CES5A: variants seen among roughly 807,000 people sequenced by gnomAD.
CES5A encodes carboxylesterase 5A.
Under a neutral mutation model 62.9 loss-of-function variants are expected in CES5A, and 67 were observed. The ratio of observed to expected loss-of-function variants is 1.07; its 90% CI spans 0.88 to 1.31. CES5A has a LOEUF of 1.31. Ranked by LOEUF, CES5A falls within the 50% of genes most tolerant of loss-of-function variation. The pLI is 0.00. For missense variants in CES5A, 748 were observed against 708.5 expected (o/e 1.06, Z -0.63); for synonymous variants, 296 against 280.8 (o/e 1.05, Z -0.54).
At chr16:55,849,484 C>T in intron 11 of CES5A, 140 bp downstream of exon 11, 1 of 875,030 alleles carries the variant, frequency 1.1e-6, no homozygotes, top group Non-Finnish European at 1.8e-6. Context: ...GAAGGGAGGG[C>T]ATTTTCCAGA....
chr16:55,944,271 T>G (rs554029620), intron 2 of CES5A: 1 of 606,570 alleles, frequency 1.6e-6, no homozygotes, highest in South Asian at 2.0e-5. Context: ...AAAATGGAGT[T>G]AATGGCCCCT....
intron 9 of CES5A, 142 bp downstream of exon 9, chr16:55,856,235 C>T: frequency 2.8e-6 from 2 of 718,528 alleles, no homozygotes; most frequent in Non-Finnish European, 4.9e-6. Context: ...TGGACTAATA[C>T]ACCTATGCTT....
At chr16:55,922,681 A>G (rs915933505) in intron 1 of CES5A, among the ~76,000 whole-genome samples, 1 of 151,920 alleles carries the variant, frequency 6.6e-6, no homozygotes, top group African/African-American at 2.4e-5. Context: ...ACTACACACT[A>G]CATAATAAGC....
chr16:55,887,751 C>A (rs1195540439), intron 1 of CES5A, among the ~76,000 whole-genome samples: 1 of 152,118 alleles, frequency 6.6e-6, no homozygotes. Context: ...AGGTGACTAT[C>A]TGAGGCAGTG....
intron 1 of CES5A, among the ~76,000 whole-genome samples, chr16:55,902,669 G>A (rs2034003212): frequency 6.6e-6 from 1 of 152,194 alleles, no homozygotes; most frequent in African/African-American, 2.4e-5. Flanking sequence ...TGAACCCAGG[G>A]AATTTTGAAG....
chr16:55,945,090 T>C (rs956422460), intron 2 of CES5A, among the ~76,000 whole-genome samples: 2 of 152,214 alleles, frequency 1.3e-5, no homozygotes, highest in Non-Finnish European at 2.9e-5. Context: ...TTAAATGAAC[T>C]CATACTGGCC....
At position 55,859,688 on chromosome 16, in the gene CES5A, C is replaced by T. The variant is rs1213071931; in HGVS notation, c.916-1G>A. 6.2e-7 allele frequency: 1 copy of T among 1,601,638 alleles called. No individual in the cohort carries two copies. Among genetic ancestry groups the T allele is most frequent in the East Asian group, 2.2e-5 (1 of 44,706 alleles). On this transcript the variant is annotated splice_acceptor_variant, in intron 7 of 12. Transcript: ENST00000290567. LOFTEE classifies it high-confidence loss of function. ...CCACTCGAGTGAAAGACTTTGTTTT[C>T]TGTAATAAGGAAGAAAAAAAAATCA... is the stretch of plus-strand genomic sequence containing the variant.
At chr16:55,884,567 G>A (rs1404215671) in intron 1 of CES5A, among the ~76,000 whole-genome samples, 1 of 151,568 alleles carries the variant, frequency 6.6e-6, no homozygotes, top group Non-Finnish European at 1.5e-5. Flanking sequence ...CTGCAGAAGA[G>A]GGCCACCCCA....
At chr16:55,900,119 G>A (rs1465979610) in intron 1 of CES5A, among the ~76,000 whole-genome samples, 1 of 152,142 alleles carries the variant, frequency 6.6e-6, no homozygotes, top group Non-Finnish European at 1.5e-5. Context: ...GACCCTCTCT[G>A]TCAACACAGA....
At chr16:55,867,940 A>T (rs1353516095) in intron 4 of CES5A, among the ~76,000 whole-genome samples, 2 of 152,188 alleles carry the variant, frequency 1.3e-5, no homozygotes, top group Admixed American at 1.3e-4. Flanking sequence ...AGTGCCTCCC[A>T]GTGGGGCTCC....
intron 1 of CES5A, among the ~76,000 whole-genome samples, chr16:55,890,375 T>A (rs1252484492): frequency 2.6e-5 from 4 of 152,176 alleles, no homozygotes; most frequent in Admixed American, 6.5e-5. Flanking sequence ...CTTGAATTTT[T>A]TTTTTTTAAT....
chr16:55,920,236 GT>G (rs1209217857), intron 1 of CES5A, among the ~76,000 whole-genome samples: 2 of 152,136 alleles, frequency 1.3e-5, no homozygotes, highest in Non-Finnish European at 2.9e-5. Flanking sequence ...GCAGAAAATT[GT>G]TCTCCAACTC....
chr16:55,895,291 CAA>C (rs2142436721), intron 1 of CES5A, among the ~76,000 whole-genome samples: 1 of 152,274 alleles, frequency 6.6e-6, no homozygotes, highest in East Asian at 1.9e-4. Context: ...TCCACAATAA[CAA>C]ATAACAAAGT....
chr16:55,903,144 A>G (rs1423385372), intron 1 of CES5A, among the ~76,000 whole-genome samples: 2 of 151,928 alleles, frequency 1.3e-5, no homozygotes, highest in Non-Finnish European at 2.9e-5. Context: ...AAAAAAAGAC[A>G]CAGCTCATAC....
intron 1 of CES5A, among the ~76,000 whole-genome samples, chr16:55,881,363 T>A (rs2033759738): frequency 6.6e-6 from 1 of 152,090 alleles, no homozygotes; most frequent in African/African-American, 2.4e-5. Context: ...TATGTCCTGA[T>A]AGGAACAGAG....
intron 1 of CES5A, among the ~76,000 whole-genome samples, chr16:55,885,832 G>C: frequency 6.6e-6 from 1 of 152,204 alleles, no homozygotes; most frequent in Non-Finnish European, 1.5e-5. Flanking sequence ...GGGATATCAA[G>C]TGAATAGGCA....
At chr16:55,935,788 C>CT (rs34193005) in intron 2 of CES5A, among the ~76,000 whole-genome samples, 9,702 of 146,448 alleles carry the variant, frequency 0.066, 525 homozygotes, top group African/African-American at 0.14. Context: ...TTCACTAATG[C>CT]TTTTTTTTTT....
chr16:55,875,365 C>A lies in CES5A; in HGVS notation c.-144G>T. 1 of 1,447,826 alleles carries A rather than the reference C, an allele frequency of 6.9e-7. No individual in the cohort carries two copies. The allele number at this position is 1,447,826 out of a possible 1,614,324, so 89.7% of individuals were successfully genotyped here. A position where few individuals can be genotyped will look rare whatever the true frequency, so the allele number is the denominator to read the frequency against. ...CAGCAGAGTTACTGAAGATCAGCAT[C>A]AGAACAATATTCTCAAAGGAATTGA... is the stretch of plus-strand genomic sequence containing the variant. On this transcript the variant is annotated 5_prime_UTR_variant, in exon 1 of 13. Coordinates refer to ENST00000290567, the MANE Select transcript of CES5A (RefSeq NM_001143685.2).
intron 2 of CES5A, among the ~76,000 whole-genome samples, chr16:55,939,182 T>C (rs376959478): frequency 2.0e-5 from 3 of 152,182 alleles, no homozygotes; most frequent in East Asian, 3.9e-4. Flanking sequence ...TGTTTCCTAC[T>C]AGTTCCCACA....
Sources: gnomAD v4.1 joint callset for allele counts (sites outside exome capture counted in the v4.1 genomes callset) on GRCh38, gnomAD v4.1.1 for gene constraint, MANE v1.5 for transcripts, NCBI Gene and HGNC (gene_info 2026-07-23, HGNC 2026-07-21) for gene names.